Variants in ALMS1 observed in about 807,000 individuals in gnomAD.
ALMS1 encodes the protein centrosome-associated protein ALMS1.
A neutral mutation model predicts 352.2 loss-of-function variants in ALMS1; 271 were observed. The observed-to-expected ratio is 0.77, with a 90% CI of 0.70 to 0.85. ALMS1 has a LOEUF of 0.85. Among genes scored for constraint, ALMS1 ranks in the 40% least tolerant of loss-of-function variants. The pLI is 0.00. For synonymous variants in ALMS1, 1,865 were observed against 1,761.2 expected (o/e 1.06, Z -1.48); for missense variants, 5,445 against 4,870.7 (o/e 1.12, Z -3.51).
intron 9 of ALMS1, among the ~76,000 whole-genome samples, chr2:73,473,190 T>C (rs1303050742): frequency 6.6e-6 from 1 of 152,018 alleles, no homozygotes; most frequent in Non-Finnish European, 1.5e-5. Context: ...TAAGATATAG[T>C]TGTAAACAGC....
At chr2:73,458,091 T>C (rs1672110390) in intron 9 of ALMS1, 1 of 144,654 alleles carries the variant, frequency 6.9e-6, no homozygotes, top group East Asian at 2.2e-4. Context: ...CTCACACCTA[T>C]TTTGAGTACT....
chr2:73,538,120 T>C (rs765618446), intron 12 of ALMS1, among the ~76,000 whole-genome samples: 63 of 152,140 alleles, frequency 4.1e-4, no homozygotes, highest in Non-Finnish European at 8.1e-4. Flanking sequence ...AAAAGGTGAC[T>C]CACAGCATAG....
chr2:73,491,496 T>C lies in ALMS1; in HGVS notation c.9537T>C (p.Asp3179=). 2 of 1,613,896 alleles carry C rather than the reference T, an allele frequency of 1.2e-6. No homozygotes were observed. The highest frequency in any genetic ancestry group is 1.7e-6 in the Non-Finnish European group (2 of 1,179,962). Residue 3179 remains aspartate, a splice_region_variant and synonymous_variant, in exon 10 of 23, where the codon GAT becomes GAC. Coordinates refer to ENST00000613296, the MANE Select transcript of ALMS1 (RefSeq NM_001378454.1). Reference sequence around the variant, plus strand: ...CAGAGGGGACCCCAGTATTTGCAGATCGGTGAGTCTCATTGTGATAACAAG... The same window carrying C: ...CAGAGGGGACCCCAGTATTTGCAGACCGGTGAGTCTCATTGTGATAACAAG... The part of the protein sequence containing the change: ...SNPEGTPVFA[D]RLPEKMKTPL...
chr2:73,501,542 A>C (rs1673218479), intron 10 of ALMS1, among the ~76,000 whole-genome samples: 1 of 152,022 alleles, frequency 6.6e-6, no homozygotes, highest in African/African-American at 2.4e-5. Context: ...TTCTAGCACC[A>C]CTTTTCAAAA....
At chr2:73,439,918 C>G (rs770094592) in intron 7 of ALMS1, among the ~76,000 whole-genome samples, 1 of 152,056 alleles carries the variant, frequency 6.6e-6, no homozygotes, top group Non-Finnish European at 1.5e-5. Context: ...ATTCCTGTTT[C>G]TCTTGTCTTG....
In ALMS1 at chr2:73,469,189, GAAA is replaced by G. The variant is rs755724074; in HGVS notation, c.7674+13901_7674+13903del. ...ATGGACCAATAACTCAACAAGTTTA[GAAA>G]AAAAAACCATGAAGTAAACTTTACT... On this transcript the variant is annotated intron_variant, in intron 9 of 22. Transcript: ENST00000613296. Among the ~76,000 whole-genome samples the G allele has an allele frequency of 3.8e-4, 56 of 148,784 alleles. 1 individual carries two copies. The highest frequency in any genetic ancestry group is 1.4e-3 in the African/African-American group (55 of 40,556).
At chr2:73,485,405 A>G (rs1246123392) in intron 9 of ALMS1, among the ~76,000 whole-genome samples, 1 of 152,168 alleles carries the variant, frequency 6.6e-6, no homozygotes, top group Non-Finnish European at 1.5e-5. Flanking sequence ...GGGGTCAGGG[A>G]CCCACTTGAG....
rs1671944365 is a variant in ALMS1, at chr2:73,451,712, A to T, written c.5185A>T (p.Ser1729Cys). The T allele has an allele frequency of 6.2e-7, 1 of 1,613,818 alleles. No individual in the cohort carries two copies. Among genetic ancestry groups the T allele is most frequent in the African/African-American group, 1.3e-5 (1 of 74,858 alleles). ...IVFYQQALPD[S>C]ELTQEALKVS... is the part of the protein sequence containing the mutation. ...CTTCTACCAACAGGCCCTGCCAGAC[A>T]GTGAGCTAACTCAAGAAGCTCTGAA... is the stretch of plus-strand genomic sequence containing the variant. Residue 1729 changes from serine to cysteine, a missense_variant, in exon 8 of 23, where the codon AGT becomes TGT. Physicochemically the swap from Ser to Cys is moderately radical, Grantham distance 112 (BLOSUM62 -1). Transcript: ENST00000613296.
At chr2:73,397,748 G>A (rs752687197) in intron 1 of ALMS1, among the ~76,000 whole-genome samples, 5 of 152,174 alleles carry the variant, frequency 3.3e-5, no homozygotes, top group African/African-American at 4.8e-5. Context: ...GATTACAGGC[G>A]TGCGGTTTTG....
chr2:73,468,478 T>C (rs903360004), intron 9 of ALMS1, among the ~76,000 whole-genome samples: 11 of 152,048 alleles, frequency 7.2e-5, no homozygotes, highest in African/African-American at 9.7e-5. Context: ...ACCACCACCA[T>C]CCGTCTCCAA....
Position 73,449,602 on chromosome 2 carries a change from G to A in ALMS1, c.3075G>A (p.Lys1025=). ...GGCCAGATAGTTATGCAACTGAAAAGGCTCTGAAAGTTTCAACTGGCCCTG... is the reference window on the plus strand; with the variant it reads ...GGCCAGATAGTTATGCAACTGAAAAAGCTCTGAAAGTTTCAACTGGCCCTG... ...QEWPDSYATE[K]ALKVSTGPGP... The change falls in exon 8 of 23, where the codon AAG becomes AAA. Residue 1025 remains lysine (K), a synonymous_variant. Transcript: ENST00000613296. The A allele has an allele frequency of 6.2e-7, 1 of 1,614,032 alleles. No homozygotes were observed. The highest frequency in any genetic ancestry group is 8.5e-7 in the Non-Finnish European group (1 of 1,179,962).
At position 73,386,041 on chromosome 2, in the gene ALMS1, C is replaced by T. The variant is rs748571359; in HGVS notation, c.173C>T (p.Ser58Phe). The stretch of plus-strand genomic sequence containing the variant: ...GCGGGGCGGGAGTTGGACTCCGACT[C>T]TCACTACGGGCCCCAGCATCTGGAA... ...EEAGRELDSD[S>F]HYGPQHLESI... Residue 58 changes from serine (S) to phenylalanine (F), a missense_variant, in exon 1 of 23, where the codon TCT (serine) becomes TTT (phenylalanine). Transcript: ENST00000613296. 6.4e-7 allele frequency: 1 copy of T among 1,571,192 alleles called. No individual in the cohort carries two copies. The highest frequency in any genetic ancestry group is 8.6e-7 in the Non-Finnish European group (1 of 1,158,604).
chr2:73,429,829 AT>A (rs1394014351), intron 6 of ALMS1, among the ~76,000 whole-genome samples: 2 of 152,068 alleles, frequency 1.3e-5, no homozygotes, highest in Non-Finnish European at 2.9e-5. Context: ...AAAATAACTC[AT>A]GTTTTTCCTA....
intron 10 of ALMS1, among the ~76,000 whole-genome samples, chr2:73,512,785 CTT>C (rs1222507100): frequency 1.3e-5 from 2 of 152,120 alleles, no homozygotes; most frequent in Non-Finnish European, 2.9e-5. Flanking sequence ...TTGATCATGT[CTT>C]TGCTTTCTGG....
intron 15 of ALMS1, among the ~76,000 whole-genome samples, chr2:73,562,127 A>G (rs1000420989): frequency 1.3e-5 from 2 of 151,872 alleles, no homozygotes; most frequent in Non-Finnish European, 2.9e-5. Context: ...TATAAGGAAG[A>G]ATGGAACTTA....
At chr2:73,386,342 G>A in intron 1 of ALMS1, 150 bp downstream of exon 1, 1 of 1,148,416 alleles carries the variant, frequency 8.7e-7, no homozygotes, top group Non-Finnish European at 1.2e-6. Context: ...CAGCCCAGGT[G>A]CCGGCCGGCT....
Position 73,448,732 on chromosome 2 carries a change from A to C in ALMS1, c.2205A>C (p.Gln735His), listed in dbSNP as rs1214906829. Residue 735 changes from glutamine (Q) to histidine (H), a missense_variant, in exon 8 of 23, where the codon CAA becomes CAC. Coordinates refer to ENST00000613296, the MANE Select transcript of ALMS1 (RefSeq NM_001378454.1). ...AACAAGAGTTCGCAGACAGTCATCA[A>C]ACTGAAGAGACTCTTACTAAAGTTT... Reference protein sequence around the residue: ...FYQQEFADSHQTEETLTKVSA... With the variant: ...FYQQEFADSHHTEETLTKVSA... 3.1e-6 allele frequency: 5 copies of C among 1,605,522 alleles called. No homozygotes were observed. Among genetic ancestry groups the C allele is most frequent in the Non-Finnish European group, 4.3e-6 (5 of 1,174,274 alleles).
chr2:73,553,278 A>G (rs2104044937), intron 13 of ALMS1, among the ~76,000 whole-genome samples: 1 of 152,312 alleles, frequency 6.6e-6, no homozygotes, highest in East Asian at 1.9e-4. Context: ...CACTAAAACA[A>G]GGGAGTTTAT....
intron 10 of ALMS1, among the ~76,000 whole-genome samples, chr2:73,513,191 C>T (rs1277774786): frequency 6.6e-6 from 1 of 152,042 alleles, no homozygotes; most frequent in East Asian, 1.9e-4. Context: ...CTCTTTTCAC[C>T]CTGCTTGGGC....
Sources: allele counts gnomAD v4.1 joint callset (sites outside exome capture counted in the v4.1 genomes callset), GRCh38; gene constraint gnomAD v4.1.1; transcripts MANE v1.5; gene names NCBI Gene and HGNC (gene_info 2026-07-23, HGNC 2026-07-21).